ZBTB16: variants seen among roughly 807,000 people sequenced by gnomAD.
ZBTB16 encodes zinc finger and BTB domain-containing protein 16.
Under a neutral mutation model 56.8 loss-of-function variants are expected in ZBTB16, and 8 were observed. That is an observed-to-expected ratio of 0.14 (90% CI 0.08 to 0.25). ZBTB16 has a LOEUF of 0.25. Ranked by LOEUF, ZBTB16 falls within the 10% of genes least tolerant of loss-of-function variation. The probability of loss-of-function intolerance (pLI) is 1.00; values close to 1 mark genes in which losing one functional copy is unlikely to be tolerated. For missense variants in ZBTB16, 625 were observed against 903.0 expected (o/e 0.69, Z 3.95); for synonymous variants, 363 against 368.5 (o/e 0.98, Z 0.17).
At position 114,235,624 on chromosome 11, in the gene ZBTB16, C is replaced by CCCTTCCTT. The variant is rs757566912; in HGVS notation, c.1454-6542_1454-6535dup. 2.6e-3 allele frequency among the ~76,000 whole-genome samples: 321 copies of CCCTTCCTT among 125,176 alleles called. 2 individuals are homozygous for CCCTTCCTT. Among genetic ancestry groups the CCCTTCCTT allele is most frequent in the East Asian group, 5.4e-3 (22 of 4,062 alleles). 82.1% of individuals were successfully genotyped at this position (125,176 alleles called of 152,430 possible). Reference sequence around the variant, plus strand: ...TCTCTCTCTTTCTTTCTTTCCCTCTCCCTTCCTTTCTTTCTTTCTTTCTTT... The same window carrying CCCTTCCTT: ...TCTCTCTCTTTCTTTCTTTCCCTCTCCCTTCCTTCCTTCCTTTCTTTCTTTCTTTCTTT... On this transcript the variant is annotated intron_variant, in intron 4 of 6. Transcript: ENST00000335953.
chr11:114,138,337 T>C (rs577375438), intron 2 of ZBTB16, among the ~76,000 whole-genome samples: 2 of 152,292 alleles, frequency 1.3e-5, no homozygotes, highest in Admixed American at 6.5e-5. Flanking sequence ...GGTTGTGGTG[T>C]TCCCCGATGG....
At chr11:114,072,293 C>T (rs1939376237) in intron 2 of ZBTB16, among the ~76,000 whole-genome samples, 1 of 152,220 alleles carries the variant, frequency 6.6e-6, no homozygotes, top group South Asian at 2.1e-4. Context: ...ACTGTGGTGG[C>T]CAGGGTACTC....
intron 2 of ZBTB16, among the ~76,000 whole-genome samples, chr11:114,081,371 T>G (rs1939751817): frequency 6.6e-6 from 1 of 151,982 alleles, no homozygotes; most frequent in Admixed American, 6.6e-5. Flanking sequence ...ATGGGACTTT[T>G]CCTTGAAGAG....
chr11:114,227,056 C>A (rs1390693283), intron 4 of ZBTB16, among the ~76,000 whole-genome samples: 1 of 152,180 alleles, frequency 6.6e-6, no homozygotes, highest in Non-Finnish European at 1.5e-5. Context: ...AATTTACTGT[C>A]CCCTGTCCAC....
At chr11:114,081,209 T>C (rs1939745008) in intron 2 of ZBTB16, among the ~76,000 whole-genome samples, 1 of 152,142 alleles carries the variant, frequency 6.6e-6, no homozygotes, top group Non-Finnish European at 1.5e-5. Flanking sequence ...CTGTGAGGGA[T>C]GCTGGGGGGT....
At chr11:114,176,051 T>C (rs1827926180) in intron 3 of ZBTB16, among the ~76,000 whole-genome samples, 1 of 151,608 alleles carries the variant, frequency 6.6e-6, no homozygotes, top group Admixed American at 6.6e-5. Context: ...ATGCCATATT[T>C]AGGGTGGGGG....
intron 2 of ZBTB16, among the ~76,000 whole-genome samples, chr11:114,089,623 G>A (rs1369625114): frequency 1.3e-5 from 2 of 152,296 alleles, no homozygotes; most frequent in Middle Eastern, 3.4e-3. Flanking sequence ...CCTGGGCCTG[G>A]CCAGTGGGAG....
At chr11:114,200,200 T>G (rs898697506) in intron 4 of ZBTB16, among the ~76,000 whole-genome samples, 1 of 151,830 alleles carries the variant, frequency 6.6e-6, no homozygotes, top group African/African-American at 2.4e-5. Context: ...GGAGGACTGA[T>G]GTATGCATAA....
At chr11:114,080,067 A>G (rs1939706007) in intron 2 of ZBTB16, among the ~76,000 whole-genome samples, 1 of 152,178 alleles carries the variant, frequency 6.6e-6, no homozygotes, top group Non-Finnish European at 1.5e-5. Flanking sequence ...GAGGCTAGAA[A>G]GAATGGATTG....
intron 2 of ZBTB16, among the ~76,000 whole-genome samples, chr11:114,065,315 T>C (rs1049024936): frequency 6.6e-6 from 1 of 152,252 alleles, no homozygotes; most frequent in Non-Finnish European, 1.5e-5. Context: ...TCCTTCTCTA[T>C]GAAATAACCA....
chr11:114,247,371 G>A lies in ZBTB16; in HGVS notation c.1792+6G>A, dbSNP rs1460004420. 12 of 1,614,150 alleles carry A rather than the reference G, an allele frequency of 7.4e-6. No individual in the cohort carries two copies. The highest frequency in any genetic ancestry group is 3.3e-5 in the South Asian group (3 of 91,080). On this transcript the variant is annotated splice_donor_region_variant and intron_variant, in intron 6 of 6. Coordinates refer to ENST00000335953, the MANE Select transcript of ZBTB16 (RefSeq NM_006006.6). ...GCACTATAGGGTGCACACAGGTACC[G>A]AAGGCCAGGGAGGGGCCTGAGCTGG...
In ZBTB16 at chr11:114,242,286, C is replaced by T. The variant is rs748787166; in HGVS notation, c.1573C>T (p.Arg525Cys). The T allele has an allele frequency of 1.2e-5, 19 of 1,614,036 alleles. No individual in the cohort carries two copies. Among genetic ancestry groups the T allele is most frequent in the Admixed American group, 1.7e-5 (1 of 60,030 alleles). The change falls in exon 5 of 7, where the codon CGC becomes TGC. Residue 525 changes from arginine to cysteine, a missense_variant. Physicochemically the swap from Arg to Cys is radical, Grantham distance 180. Transcript: ENST00000335953. ...VRSYICSECN[R>C]TFPSHTALKR... ...CAGCTACATCTGCAGTGAGTGCAAC[C>T]GCACCTTCCCCAGCCACACGGCTCT... is the stretch of plus-strand genomic sequence containing the variant.
intron 5 of ZBTB16, among the ~76,000 whole-genome samples, chr11:114,243,787 A>G (rs1218735423): frequency 6.6e-6 from 1 of 152,224 alleles, no homozygotes; most frequent in Non-Finnish European, 1.5e-5. Flanking sequence ...ACTGGGTCCA[A>G]TCAGTTGGCT....
At chr11:114,157,362 C>A (rs149748540) in intron 3 of ZBTB16, among the ~76,000 whole-genome samples, 1 of 152,332 alleles carries the variant, frequency 6.6e-6, no homozygotes, top group Admixed American at 6.5e-5. Flanking sequence ...TCAGTTTCTG[C>A]ATCTGTCAAG....
chr11:114,248,382 T>C (rs940123653), intron 6 of ZBTB16, among the ~76,000 whole-genome samples: 3 of 152,202 alleles, frequency 2.0e-5, no homozygotes, highest in African/African-American at 7.2e-5. Context: ...CCACCTTAGT[T>C]GCTTAAAATT....
chr11:114,239,858 G>C (rs1287527639), intron 4 of ZBTB16, among the ~76,000 whole-genome samples: 1 of 152,160 alleles, frequency 6.6e-6, no homozygotes, highest in South Asian at 2.1e-4. Context: ...GTCCAGCCCC[G>C]TGGTTTCTGA....
At chr11:114,067,768 G>C (rs1398270051) in intron 2 of ZBTB16, among the ~76,000 whole-genome samples, 1 of 152,160 alleles carries the variant, frequency 6.6e-6, no homozygotes, top group East Asian at 1.9e-4. Flanking sequence ...GTTAGAGCCA[G>C]GGGCAGTGCC....
intron 2 of ZBTB16, among the ~76,000 whole-genome samples, chr11:114,117,138 C>T (rs892907010): frequency 2.0e-5 from 3 of 151,976 alleles, no homozygotes; most frequent in African/African-American, 7.3e-5. Flanking sequence ...TAACAGCACA[C>T]GCAAAGGCCG....
At chr11:114,225,681 A>G (rs1944315646) in intron 4 of ZBTB16, among the ~76,000 whole-genome samples, 2 of 152,186 alleles carry the variant, frequency 1.3e-5, no homozygotes. Flanking sequence ...ACACTGCTGC[A>G]TTAAGATCAA....
Sources: allele counts gnomAD v4.1 joint callset (sites outside exome capture counted in the v4.1 genomes callset), GRCh38; gene constraint gnomAD v4.1.1; transcripts MANE v1.5; gene names NCBI Gene and HGNC (gene_info 2026-07-23, HGNC 2026-07-21).